TMEM117: variants seen among roughly 807,000 people sequenced by gnomAD.
TMEM117 encodes transmembrane protein 117.
In TMEM117, 27 loss-of-function variants were observed where a neutral mutation model predicts 52.4. The observed-to-expected ratio is 0.51, with a 90% CI of 0.38 to 0.71. TMEM117 has a LOEUF of 0.71. Ranked by LOEUF, TMEM117 falls within the 30% of genes least tolerant of loss-of-function variation. TMEM117 has a pLI of 0.00. For synonymous variants in TMEM117, 215 were observed against 206.3 expected (o/e 1.04, Z -0.36); for missense variants, 556 against 630.5 (o/e 0.88, Z 1.26).
At chr12:43,989,457 G>T (rs7979716) in intron 3 of TMEM117, among the ~76,000 whole-genome samples, 143,040 of 152,086 alleles carry the variant, frequency 0.94, 67,543 homozygotes, top group East Asian at 1. Context: ...TTTTTTAAAC[G>T]GCAATCTTAT....
At chr12:43,820,319 G>A in the TMEM117 span, among the ~76,000 whole-genome samples, 1 of 151,860 alleles carries the variant, frequency 6.6e-6, no homozygotes, top group African/African-American at 2.4e-5. Flanking sequence ...TGTCGCCCAC[G>A]CTGGAGTGCA....
chr12:44,092,064 G>A (rs1245896247), intron 3 of TMEM117, among the ~76,000 whole-genome samples: 1 of 152,172 alleles, frequency 6.6e-6, no homozygotes, highest in Non-Finnish European at 1.5e-5. Context: ...CAGCTCAGAT[G>A]CCTCATCTTG....
chr12:43,906,626 C>A (rs1413695157), intron 2 of TMEM117, among the ~76,000 whole-genome samples: 1 of 152,224 alleles, frequency 6.6e-6, no homozygotes, highest in Non-Finnish European at 1.5e-5. Flanking sequence ...GGGCGCAGGT[C>A]AGTGGGTGCA....
intron 1 of TMEM117, among the ~76,000 whole-genome samples, chr12:43,841,944 C>A (rs150370116): frequency 6.4e-4 from 98 of 152,284 alleles, no homozygotes; most frequent in African/African-American, 2.2e-3. Flanking sequence ...GAATTCTTCA[C>A]TGGCGAAAGA....
rs12231403 is a variant in TMEM117, at chr12:44,020,788, T to C, written c.410+76446T>C. On this transcript the variant is annotated intron_variant, in intron 3 of 7. Transcript: ENST00000266534. ...ACTCAGCCCACAATCTACACGTCAT[T>C]TGGAGAACATGCTAAAGACAGAATA... Among the ~76,000 whole-genome samples, 216 of 152,266 alleles carry C rather than the reference T, an allele frequency of 1.4e-3. 3 individuals carry two copies. In the East Asian group the frequency reaches 0.025, roughly 18 times the overall value.
intron 3 of TMEM117, among the ~76,000 whole-genome samples, chr12:43,994,664 T>C (rs905099942): frequency 6.6e-6 from 1 of 152,172 alleles, no homozygotes; most frequent in Non-Finnish European, 1.5e-5. Flanking sequence ...TTATAGCTAC[T>C]ATTCCTTTTC....
chr12:44,024,414 G>A (rs181262667), intron 3 of TMEM117, among the ~76,000 whole-genome samples: 29 of 152,278 alleles, frequency 1.9e-4, no homozygotes, highest in South Asian at 4.1e-4. Flanking sequence ...TTTCTGTGAT[G>A]AGTGGTACAG....
intron 5 of TMEM117, among the ~76,000 whole-genome samples, chr12:44,225,498 A>T (rs1218875741): frequency 6.6e-6 from 1 of 152,106 alleles, no homozygotes; most frequent in Non-Finnish European, 1.5e-5. Flanking sequence ...AAATGAACGG[A>T]TTTTTTTCCT....
intron 6 of TMEM117, among the ~76,000 whole-genome samples, chr12:44,336,323 A>G (rs1180295424): frequency 6.6e-6 from 1 of 152,026 alleles, no homozygotes; most frequent in African/African-American, 2.4e-5. Flanking sequence ...AGGAAAATAA[A>G]AAAGAAGTGA....
chr12:43,892,239 TG>T (rs1944119724), intron 2 of TMEM117, among the ~76,000 whole-genome samples: 1 of 152,194 alleles, frequency 6.6e-6, no homozygotes, highest in African/African-American at 2.4e-5. Context: ...CTTCCAGAAT[TG>T]TTTCCCAGTG....
At chr12:44,235,153 T>C (rs951017885) in intron 5 of TMEM117, among the ~76,000 whole-genome samples, 3 of 151,640 alleles carry the variant, frequency 2.0e-5, no homozygotes, top group Non-Finnish European at 4.4e-5. Flanking sequence ...AAGCCATCAT[T>C]TTTTGTCATT....
At chr12:44,116,878 C>T (rs1948153157) in intron 3 of TMEM117, among the ~76,000 whole-genome samples, 1 of 152,206 alleles carries the variant, frequency 6.6e-6, no homozygotes, top group African/African-American at 2.4e-5. Flanking sequence ...AGGCTCTTGT[C>T]TTTCCTTGAC....
chr12:44,139,162 T>A (rs899694721), intron 3 of TMEM117, among the ~76,000 whole-genome samples: 1 of 152,134 alleles, frequency 6.6e-6, no homozygotes, highest in African/African-American at 2.4e-5. Context: ...CAGATGGTTT[T>A]TCAGTGAAGT....
At chr12:43,806,280 G>C in the TMEM117 span, 15 of 1,488,788 alleles carry the variant, frequency 1.0e-5, no homozygotes, top group African/African-American at 1.5e-5. Flanking sequence ...CCGGCGCTGA[G>C]TGCAGCCAGC....
intron 6 of TMEM117, among the ~76,000 whole-genome samples, chr12:44,319,881 T>C (rs1310857811): frequency 1.3e-5 from 2 of 152,218 alleles, no homozygotes; most frequent in Non-Finnish European, 2.9e-5. Flanking sequence ...ATTTCCTTCC[T>C]CTAGCTGTCC....
chr12:44,007,998 T>A (rs1472208183), intron 3 of TMEM117, among the ~76,000 whole-genome samples: 1 of 152,144 alleles, frequency 6.6e-6, no homozygotes, highest in African/African-American at 2.4e-5. Context: ...GAGTTGTAGC[T>A]GATCAGCCAT....
intron 3 of TMEM117, among the ~76,000 whole-genome samples, chr12:44,025,546 C>T (rs956924601): frequency 7.2e-5 from 11 of 151,972 alleles, no homozygotes; most frequent in East Asian, 5.8e-4. Context: ...TCTTTTTTCA[C>T]GATTGTATTG....
At chr12:44,383,409 C>T (rs988503984) in intron 7 of TMEM117, among the ~76,000 whole-genome samples, 1 of 152,074 alleles carries the variant, frequency 6.6e-6, no homozygotes, top group South Asian at 2.1e-4. Context: ...ATTCTGTAAA[C>T]TCCCACAAAG....
chr12:44,335,172 T>A (rs564448493), intron 6 of TMEM117, among the ~76,000 whole-genome samples: 1 of 152,140 alleles, frequency 6.6e-6, no homozygotes, highest in East Asian at 1.9e-4. Context: ...CAGTGGAAAC[T>A]AACACTGGAT....
Sources: gnomAD v4.1 joint callset for allele counts (sites outside exome capture counted in the v4.1 genomes callset) on GRCh38, gnomAD v4.1.1 for gene constraint, MANE v1.5 for transcripts, NCBI Gene and HGNC (gene_info 2026-07-23, HGNC 2026-07-21) for gene names.